Variants in LRRC69 observed in about 807,000 individuals in gnomAD.
LRRC69 encodes the protein leucine rich repeat containing 69.
LRRC69 carries 42 observed loss-of-function variants against 37.8 expected under a neutral mutation model. That is an observed-to-expected ratio of 1.11 (90% CI 0.87 to 1.44). The LOEUF (loss-of-function observed/expected upper bound fraction) is 1.44. LRRC69 is among the 40% of genes most tolerant of loss of function. LRRC69 has a pLI of 0.00. For missense variants in LRRC69, 357 were observed against 401.9 expected (o/e 0.89, Z 0.96); for synonymous variants, 141 against 143.1 (o/e 0.99, Z 0.11).
chr8:91,168,736 GT>G (rs10707830), intron 5 of LRRC69, among the ~76,000 whole-genome samples: 102,551 of 150,686 alleles, frequency 0.68, 35,338 homozygotes, highest in African/African-American at 0.74. Context: ...TGTGTTTTGT[GT>G]TTTTTTTTGC....
chr8:91,201,716 T>TGGGGGATA (rs1238746302), intron 7 of LRRC69, among the ~76,000 whole-genome samples: 1 of 152,118 alleles, frequency 6.6e-6, no homozygotes, highest in Non-Finnish European at 1.5e-5. Flanking sequence ...AGTATAATAT[T>TGGGGGATA]GGGGGATAAT....
intron 4 of LRRC69, among the ~76,000 whole-genome samples, chr8:91,135,189 C>T (rs1209908777): frequency 1.3e-4 from 20 of 151,992 alleles, no homozygotes. Flanking sequence ...CTATGTAGGA[C>T]TTAAGAAGAG....
chr8:91,168,378 C>T (rs1809065947), intron 5 of LRRC69, among the ~76,000 whole-genome samples: 1 of 151,908 alleles, frequency 6.6e-6, no homozygotes, highest in African/African-American at 2.4e-5. Flanking sequence ...TCCAGCCCTC[C>T]TCTCCTGAAC....
chr8:91,133,657 C>T (rs1563599421), intron 4 of LRRC69, among the ~76,000 whole-genome samples: 1 of 152,042 alleles, frequency 6.6e-6, no homozygotes, highest in South Asian at 2.1e-4. Context: ...CTTTTTGAGA[C>T]AGAGTCTTGC....
chr8:91,176,393 C>G (rs1809230692), intron 5 of LRRC69, among the ~76,000 whole-genome samples: 1 of 151,952 alleles, frequency 6.6e-6, no homozygotes. Context: ...GATCTGCCTG[C>G]CTAGGCCTCC....
At chr8:91,214,116 T>C (rs1235387371) in intron 7 of LRRC69, among the ~76,000 whole-genome samples, 3 of 152,102 alleles carry the variant, frequency 2.0e-5, no homozygotes, top group Non-Finnish European at 4.4e-5. Context: ...AGAGGCTAGT[T>C]AGAGTGGTTT....
At chr8:91,206,971 TC>T in intron 7 of LRRC69, 1 of 569,612 alleles carries the variant, frequency 1.8e-6, no homozygotes, top group Non-Finnish European at 2.5e-6. Flanking sequence ...ACCTAGTTAT[TC>T]CCCATTTACT....
At chr8:91,209,699 G>C (rs1283543500) in intron 7 of LRRC69, among the ~76,000 whole-genome samples, 1 of 152,116 alleles carries the variant, frequency 6.6e-6, no homozygotes, top group South Asian at 2.1e-4. Flanking sequence ...AGAGTTTAAT[G>C]CTGTGATTAG....
intron 5 of LRRC69, among the ~76,000 whole-genome samples, chr8:91,182,915 CCTGA>C (rs760114908): frequency 3.9e-4 from 59 of 152,248 alleles, no homozygotes; most frequent in Admixed American, 1.8e-3. Flanking sequence ...ACAACAGGAG[CCTGA>C]CTAAGTGAGT....
chr8:91,102,628 T>C, upstream of LRRC69: 1 of 1,511,082 alleles, frequency 6.6e-7, no homozygotes, highest in Non-Finnish European at 8.9e-7. Flanking sequence ...AGAACTCTAA[T>C]GGTTACCTTG....
At chr8:91,148,173 C>G (rs1405966571) in intron 5 of LRRC69, among the ~76,000 whole-genome samples, 2 of 151,656 alleles carry the variant, frequency 1.3e-5, no homozygotes, top group Non-Finnish European at 2.9e-5. Flanking sequence ...TGTTGGTGTG[C>G]TGCACCCATT....
At chr8:91,212,390 G>A (rs549424077) in intron 7 of LRRC69, among the ~76,000 whole-genome samples, 57 of 152,114 alleles carry the variant, frequency 3.7e-4, no homozygotes, top group Non-Finnish European at 7.2e-4. Context: ...GGAATGGTTT[G>A]GAACATGAAC....
intron 5 of LRRC69, among the ~76,000 whole-genome samples, chr8:91,175,812 G>A (rs1809213950): frequency 2.4e-5 from 2 of 84,002 alleles, no homozygotes; most frequent in South Asian, 8.7e-4. Flanking sequence ...TGACACCACC[G>A]GAGTTTTTTT....
At chr8:91,144,768 A>C (rs913539861) in intron 5 of LRRC69, among the ~76,000 whole-genome samples, 1 of 151,942 alleles carries the variant, frequency 6.6e-6, no homozygotes, top group Non-Finnish European at 1.5e-5. Flanking sequence ...CATGGTACAT[A>C]CCCTGGTTTA....
intron 5 of LRRC69, among the ~76,000 whole-genome samples, chr8:91,162,462 G>A (rs772325912): frequency 2.6e-5 from 4 of 151,292 alleles, no homozygotes; most frequent in Non-Finnish European, 5.9e-5. Context: ...ATTTACATAT[G>A]TTATATCCTC....
chr8:91,217,567 A>G (rs1810074803), intron 7 of LRRC69, among the ~76,000 whole-genome samples: 1 of 152,096 alleles, frequency 6.6e-6, no homozygotes, highest in Non-Finnish European at 1.5e-5. Context: ...CCATTGTCAG[A>G]GGGAAGCAAT....
At chr8:91,138,924 G>C (rs1225006121) in intron 5 of LRRC69, 1 of 151,546 alleles carries the variant, frequency 6.6e-6, no homozygotes. Flanking sequence ...AAATTAGCTG[G>C]GTTTAGTGGT....
chr8:91,204,733 A>G (rs1409789592), intron 7 of LRRC69, among the ~76,000 whole-genome samples: 1 of 152,210 alleles, frequency 6.6e-6, no homozygotes, highest in East Asian at 1.9e-4. Context: ...GTTGTTTCAT[A>G]AGCTTACATT....
chr8:91,126,970 C>T, intron 2 of LRRC69, 118 bp from the exon 3 acceptor site: 1 of 720,198 alleles, frequency 1.4e-6, no homozygotes, highest in East Asian at 2.9e-5. Flanking sequence ...TTACCACCAC[C>T]AAAAGAGCCT....
Sources: gnomAD v4.1 joint callset for allele counts (sites outside exome capture counted in the v4.1 genomes callset) on GRCh38, gnomAD v4.1.1 for gene constraint, MANE v1.5 for transcripts, NCBI Gene and HGNC (gene_info 2026-07-23, HGNC 2026-07-21) for gene names.